Variants in SGK3 observed in about 807,000 individuals in gnomAD.
SGK3 encodes the protein serine/threonine-protein kinase Sgk3.
A neutral mutation model predicts 68.5 loss-of-function variants in SGK3; 47 were observed. That is an observed-to-expected ratio of 0.69 (90% CI 0.54 to 0.87). The LOEUF (loss-of-function observed/expected upper bound fraction) is 0.87, where lower values mean the gene tolerates loss of function less well. Ranked by LOEUF, SGK3 falls within the 40% of genes least tolerant of loss-of-function variation. The probability of loss-of-function intolerance (pLI) is 0.00; values close to 1 mark genes in which losing one functional copy is unlikely to be tolerated. For synonymous variants in SGK3, 181 were observed against 189.1 expected, an observed-to-expected ratio of 0.96 and a Z score of 0.35; for missense variants, 479 against 575.5, an observed-to-expected ratio of 0.83 and a Z score of 1.72.
At chr8:66,858,998 G>T (rs563801198) in intron 16 of SGK3, among the ~76,000 whole-genome samples, 1 of 152,102 alleles carries the variant, frequency 6.6e-6, no homozygotes, top group African/African-American at 2.4e-5. Context: ...ATCTAACCTT[G>T]CCAGGAATAA....
intron 7 of SGK3, among the ~76,000 whole-genome samples, chr8:66,828,967 GGTGTGTGTGT>G (rs113679632): frequency 4.2e-5 from 5 of 119,576 alleles, no homozygotes; most frequent in East Asian, 2.3e-4. Context: ...GTGGGTGGGG[GGTGTGTGTGT>G]GTGTGTGTGT....
At chr8:66,845,033 A>C (rs1466886073) in intron 14 of SGK3, among the ~76,000 whole-genome samples, 1 of 152,262 alleles carries the variant, frequency 6.6e-6, no homozygotes, top group African/African-American at 2.4e-5. Flanking sequence ...ATTGCACATA[A>C]AATGCAGTTG....
intron 14 of SGK3, among the ~76,000 whole-genome samples, chr8:66,846,603 C>T (rs1332520522): frequency 2.0e-5 from 3 of 152,156 alleles, no homozygotes; most frequent in Admixed American, 2.0e-4. Context: ...CGTGAGCCAC[C>T]ACGCCTGGTC....
At chr8:66,766,013 A>G (rs1489435772) in intron 1 of SGK3, among the ~76,000 whole-genome samples, 1 of 149,742 alleles carries the variant, frequency 6.7e-6, no homozygotes, top group Non-Finnish European at 1.5e-5. Context: ...TGACACAGCA[A>G]TACTCCGTCA....
intron 1 of SGK3, among the ~76,000 whole-genome samples, chr8:66,729,809 A>G (rs945147409): frequency 4.5e-4 from 68 of 152,106 alleles, no homozygotes; most frequent in Non-Finnish European, 4.7e-4. Context: ...CAGTGGCGCG[A>G]TCTTGGCTCA....
intron 1 of SGK3, among the ~76,000 whole-genome samples, chr8:66,768,220 T>G (rs1179159102): frequency 6.6e-6 from 1 of 152,222 alleles, no homozygotes; most frequent in African/African-American, 2.4e-5. Context: ...CATAAGTTAT[T>G]ACTATTCTTG....
chr8:66,762,212 A>G (rs1250287060), intron 1 of SGK3, among the ~76,000 whole-genome samples: 1 of 151,976 alleles, frequency 6.6e-6, no homozygotes, highest in African/African-American at 2.4e-5. Context: ...CACGTGATCC[A>G]CCCACCTTGG....
At chr8:66,783,724 G>A (rs564541430) in intron 1 of SGK3, among the ~76,000 whole-genome samples, 2 of 151,970 alleles carry the variant, frequency 1.3e-5, no homozygotes, top group East Asian at 1.9e-4. Flanking sequence ...ATGAGGTCTC[G>A]CATATTGCCC....
rs7005645 is a variant in SGK3, at chr8:66,849,345, T to G, written c.1231-1486T>G. On this transcript the variant is annotated intron_variant, in intron 15 of 16. Transcript: ENST00000521198. ...AGGACATCACTGTCCATGTGGCTATTCTGGCCAGAAATCTGAGAGGCATTC... is the reference window on the plus strand; with the variant it reads ...AGGACATCACTGTCCATGTGGCTATGCTGGCCAGAAATCTGAGAGGCATTC... Among the ~76,000 whole-genome samples the G allele has an allele frequency of 7.9e-3, 1,209 of 152,328 alleles. 18 individuals carry two copies. Among genetic ancestry groups the G allele is most frequent in the African/African-American group, 0.028 (1,144 of 41,568 alleles).
chr8:66,752,907 G>T (rs1390309370), intron 1 of SGK3, among the ~76,000 whole-genome samples: 1 of 152,010 alleles, frequency 6.6e-6, no homozygotes, highest in African/African-American at 2.4e-5. Flanking sequence ...GGAGTACAGT[G>T]GCATGATCAT....
chr8:66,745,367 C>T (rs568557315), intron 1 of SGK3, among the ~76,000 whole-genome samples: 1 of 151,922 alleles, frequency 6.6e-6, no homozygotes, highest in African/African-American at 2.4e-5. Context: ...GTCAGGAGAT[C>T]GAGACCATCC....
At chr8:66,732,251 C>T (rs925639665) in intron 1 of SGK3, among the ~76,000 whole-genome samples, 17 of 152,010 alleles carry the variant, frequency 1.1e-4, no homozygotes, top group Non-Finnish European at 2.4e-4. Context: ...ATATAAACAC[C>T]GGTAAATTCT....
chr8:66,816,654 A>G (rs1179033605), intron 5 of SGK3, among the ~76,000 whole-genome samples: 1 of 150,454 alleles, frequency 6.6e-6, no homozygotes, highest in African/African-American at 2.4e-5. Context: ...AACATTTCCT[A>G]TTTTCTAGAT....
chr8:66,849,497 C>T (rs906789522), intron 15 of SGK3, among the ~76,000 whole-genome samples: 1 of 151,904 alleles, frequency 6.6e-6, no homozygotes, highest in African/African-American at 2.4e-5. Context: ...TCTTTGTCAT[C>T]TTTAGTCTGG....
chr8:66,792,188 G>A (rs1178746742), intron 1 of SGK3, among the ~76,000 whole-genome samples: 1 of 152,042 alleles, frequency 6.6e-6, no homozygotes, highest in Non-Finnish European at 1.5e-5. Flanking sequence ...AATTAGTTGG[G>A]CGTGGTGGCA....
chr8:66,787,283 A>G (rs1296371893), intron 1 of SGK3, among the ~76,000 whole-genome samples: 3 of 152,138 alleles, frequency 2.0e-5, no homozygotes, highest in Non-Finnish European at 4.4e-5. Flanking sequence ...ATGAGCACTC[A>G]ATAAGTGTTC....
At chr8:66,822,003 A>G in intron 5 of SGK3, among the ~76,000 whole-genome samples, 1 of 142,758 alleles carries the variant, frequency 7.0e-6, no homozygotes, top group Non-Finnish European at 1.5e-5. Flanking sequence ...TTTTTTTACC[A>G]ACTTTTGGTA....
chr8:66,716,608 T>G (rs1804640671), intron 1 of SGK3, among the ~76,000 whole-genome samples: 2 of 151,332 alleles, frequency 1.3e-5, no homozygotes, highest in East Asian at 1.9e-4. Context: ...ACAAGGGGAA[T>G]TGTTAGAGGA....
intron 1 of SGK3, among the ~76,000 whole-genome samples, chr8:66,733,669 T>G (rs1050948443): frequency 4.6e-5 from 7 of 152,184 alleles, no homozygotes; most frequent in South Asian, 2.1e-4. Context: ...TTTTCTTAGA[T>G]TTTAAATTAC....
Sources: allele counts gnomAD v4.1 joint callset (sites outside exome capture counted in the v4.1 genomes callset), GRCh38; gene constraint gnomAD v4.1.1; transcripts MANE v1.5; gene names NCBI Gene and HGNC (gene_info 2026-07-23, HGNC 2026-07-21).